Variants in AK5 observed in about 807,000 individuals in gnomAD.
AK5 encodes adenylate kinase isoenzyme 5.
AK5 carries 27 observed loss-of-function variants against 69.5 expected under a neutral mutation model. The observed-to-expected ratio is 0.39, with a 90% CI of 0.29 to 0.54. The LOEUF (loss-of-function observed/expected upper bound fraction) is 0.54. Ranked by LOEUF, AK5 falls within the 20% of genes least tolerant of loss-of-function variation. The probability of loss-of-function intolerance (pLI) is 0.71; values close to 1 mark genes in which losing one functional copy is unlikely to be tolerated. For missense variants in AK5, 531 were observed against 700.4 expected, an observed-to-expected ratio of 0.76 and a Z score of 2.73; for synonymous variants, 260 against 244.4, an observed-to-expected ratio of 1.06 and a Z score of -0.60.
At chr1:77,438,787 G>A (rs549357058) in intron 8 of AK5, among the ~76,000 whole-genome samples, 1 of 152,176 alleles carries the variant, frequency 6.6e-6, no homozygotes, top group Admixed American at 6.5e-5. Flanking sequence ...CACAAACAAA[G>A]TACACGTTCT....
chr1:77,324,980 C>CT (rs374298984), intron 5 of AK5, among the ~76,000 whole-genome samples: 44 of 139,180 alleles, frequency 3.2e-4, no homozygotes, highest in Admixed American at 1.8e-3. Context: ...TTACGAGCTA[C>CT]TTTTTTTTTT....
intron 10 of AK5, among the ~76,000 whole-genome samples, chr1:77,487,175 T>C (rs936827419): frequency 6.6e-6 from 1 of 152,206 alleles, no homozygotes; most frequent in African/African-American, 2.4e-5. Context: ...CCCACTATGC[T>C]CCAGGTTATC....
intron 7 of AK5, 91 bp from the exon 8 acceptor site, chr1:77,417,548 A>G: frequency 1.3e-6 from 1 of 773,118 alleles, no homozygotes. Context: ...AATGTGATAT[A>G]GGAAAATATG....
At chr1:77,423,270 G>A (rs1650974946) in intron 8 of AK5, among the ~76,000 whole-genome samples, 1 of 150,902 alleles carries the variant, frequency 6.6e-6, no homozygotes, top group East Asian at 1.9e-4. Context: ...GAGGTAGGGA[G>A]TGCAGGGTAC....
chr1:77,546,040 C>T (rs908438087), intron 13 of AK5, among the ~76,000 whole-genome samples: 21 of 152,146 alleles, frequency 1.4e-4, no homozygotes, highest in African/African-American at 4.3e-4. Flanking sequence ...GATTGTCAGA[C>T]CTTCACCAGA....
At chr1:77,340,253 G>A in intron 5 of AK5, 124 bp from the exon 6 acceptor site, 1 of 928,298 alleles carries the variant, frequency 1.1e-6, no homozygotes, top group Non-Finnish European at 1.6e-6. Flanking sequence ...GAAATACACT[G>A]TCAAAAACAT....
intron 8 of AK5, among the ~76,000 whole-genome samples, chr1:77,466,891 G>A (rs1457299805): frequency 6.6e-6 from 1 of 152,142 alleles, no homozygotes; most frequent in African/African-American, 2.4e-5. Flanking sequence ...TCAAACCATA[G>A]CAACCATAGC....
chr1:77,501,093 G>T (rs1489055309), intron 10 of AK5, among the ~76,000 whole-genome samples: 1 of 152,208 alleles, frequency 6.6e-6, no homozygotes, highest in Non-Finnish European at 1.5e-5. Context: ...TCAAAGAATG[G>T]ATGGGATTCC....
chr1:77,380,067 A>G (rs961565563), intron 6 of AK5, among the ~76,000 whole-genome samples: 2 of 152,224 alleles, frequency 1.3e-5, no homozygotes, highest in African/African-American at 2.4e-5. Flanking sequence ...AGTAAAGAAT[A>G]CTATTAAGAA....
At chr1:77,391,614 C>CA (rs1462561857) in intron 6 of AK5, among the ~76,000 whole-genome samples, 2 of 147,972 alleles carry the variant, frequency 1.4e-5, no homozygotes, top group Non-Finnish European at 3.0e-5. Context: ...ATAGGTGCTA[C>CA]AAAAAAAAGA....
intron 6 of AK5, among the ~76,000 whole-genome samples, chr1:77,378,094 T>G (rs1278208971): frequency 6.6e-6 from 1 of 152,202 alleles, no homozygotes; most frequent in Non-Finnish European, 1.5e-5. Flanking sequence ...AAGCCACTCT[T>G]TAAGTTCTCT....
chr1:77,340,678 G>T (rs1239103389), intron 6 of AK5, 110 bp downstream of exon 6: 13 of 979,484 alleles, frequency 1.3e-5, no homozygotes, highest in Non-Finnish European at 1.9e-5. Context: ...TGGCTTTTGG[G>T]GGGTACAGAA....
intron 8 of AK5, among the ~76,000 whole-genome samples, chr1:77,466,832 G>A (rs984797015): frequency 3.9e-5 from 6 of 152,184 alleles, no homozygotes; most frequent in African/African-American, 9.7e-5. Flanking sequence ...ACATGGTTGC[G>A]CTGGGGATTA....
intron 6 of AK5, among the ~76,000 whole-genome samples, chr1:77,352,171 G>A (rs1038598530): frequency 6.6e-6 from 1 of 151,746 alleles, no homozygotes; most frequent in South Asian, 2.1e-4. Context: ...CTTGTGATCC[G>A]CCCACCTTGG....
intron 2 of AK5, among the ~76,000 whole-genome samples, chr1:77,289,842 G>A (rs989831754): frequency 3.5e-5 from 4 of 115,272 alleles, no homozygotes; most frequent in African/African-American, 6.9e-5. Flanking sequence ...CAGCCTGGGC[G>A]ACACAGAGAG....
At chr1:77,284,646 A>G (rs1217626377) in intron 1 of AK5, among the ~76,000 whole-genome samples, 4 of 152,168 alleles carry the variant, frequency 2.6e-5, no homozygotes, top group Admixed American at 1.3e-4. Context: ...TGGTGTGTAT[A>G]TTGATCTTGT....
At chr1:77,491,836 A>G (rs939263568) in intron 10 of AK5, among the ~76,000 whole-genome samples, 1 of 152,166 alleles carries the variant, frequency 6.6e-6, no homozygotes, top group Non-Finnish European at 1.5e-5. Flanking sequence ...AGTAAGCACT[A>G]TTACTCTCCT....
intron 6 of AK5, among the ~76,000 whole-genome samples, chr1:77,391,533 T>G (rs1231971691): frequency 9.1e-6 from 1 of 110,294 alleles, no homozygotes; most frequent in Non-Finnish European, 2.0e-5. Flanking sequence ...ATATATCTCC[T>G]CAGGCTGTTG....
chr1:77,429,706 G>A (rs1049573209), intron 8 of AK5, among the ~76,000 whole-genome samples: 9 of 152,092 alleles, frequency 5.9e-5, no homozygotes, highest in South Asian at 2.1e-4. Context: ...TGATCCGCCC[G>A]CCTCGGCCTC....
Sources: allele counts gnomAD v4.1 joint callset (sites outside exome capture counted in the v4.1 genomes callset), GRCh38; gene constraint gnomAD v4.1.1; transcripts MANE v1.5; gene names NCBI Gene and HGNC (gene_info 2026-07-23, HGNC 2026-07-21).